Variants in DPP10 observed in about 807,000 individuals in gnomAD.
DPP10 encodes the protein inactive dipeptidyl peptidase 10.
In DPP10, 33 loss-of-function variants were observed where a neutral mutation model predicts 120.9. That is an observed-to-expected ratio of 0.27 (90% CI 0.21 to 0.37). The LOEUF (loss-of-function observed/expected upper bound fraction) is 0.37. Ranked by LOEUF, DPP10 falls within the 10% of genes least tolerant of loss-of-function variation. DPP10 has a pLI of 1.00. For missense variants in DPP10, 816 were observed against 942.8 expected, an observed-to-expected ratio of 0.87 and a Z score of 1.76; for synonymous variants, 337 against 326.1, an observed-to-expected ratio of 1.03 and a Z score of -0.36.
chr2:115,547,653 C>A lies in DPP10; in HGVS notation c.441+21681C>A, dbSNP rs550204965. On this transcript the variant is annotated intron_variant, in intron 5 of 25. Transcript: ENST00000410059. ...TTGTGGTATGTTCCTGTAGTCCCAG[C>A]TACTGGGGTGGCTGAAGTGGGTGGA... Among the ~76,000 whole-genome samples the A allele has an allele frequency of 4.0e-5, 6 of 151,826 alleles. No individual in the cohort carries two copies. The East Asian group carries it at 1.2e-3, about 30-fold the overall frequency.
chr2:115,530,487 C>T (rs1575106519), intron 5 of DPP10, among the ~76,000 whole-genome samples: 1 of 151,976 alleles, frequency 6.6e-6, no homozygotes. Flanking sequence ...TGAGACCAGC[C>T]TGGCCAACAT....
intron 3 of DPP10, among the ~76,000 whole-genome samples, chr2:115,416,636 A>G (rs569284009): frequency 6.6e-6 from 1 of 152,330 alleles, no homozygotes; most frequent in African/African-American, 2.4e-5. Flanking sequence ...TTCCTTAGAT[A>G]TTCAGATACT....
intron 1 of DPP10, among the ~76,000 whole-genome samples, chr2:115,243,697 A>T (rs537058060): frequency 6.6e-6 from 1 of 152,080 alleles, no homozygotes; most frequent in Admixed American, 6.6e-5. Flanking sequence ...GACTCATACA[A>T]ATCTGTATCA....
chr2:115,039,285 A>T (rs973298792), intron 1 of DPP10, among the ~76,000 whole-genome samples: 2 of 152,252 alleles, frequency 1.3e-5, no homozygotes, highest in Admixed American at 1.3e-4. Flanking sequence ...CATTTCTCTT[A>T]TAGGTGATAC....
intron 7 of DPP10, among the ~76,000 whole-genome samples, chr2:115,706,847 C>T (rs1435120704): frequency 6.6e-6 from 1 of 151,992 alleles, no homozygotes. Context: ...ATGCAGATAA[C>T]TCCCCAAAGG....
At chr2:115,568,187 G>GAA (rs1328782346) in intron 5 of DPP10, among the ~76,000 whole-genome samples, 2 of 70,622 alleles carry the variant, frequency 2.8e-5, no homozygotes, top group South Asian at 4.9e-4. Context: ...TCAAAAAAAA[G>GAA]AAAAAAAAAA....
At chr2:115,424,139 C>A (rs1239983083) in intron 3 of DPP10, among the ~76,000 whole-genome samples, 1 of 152,046 alleles carries the variant, frequency 6.6e-6, no homozygotes, top group Non-Finnish European at 1.5e-5. Context: ...AAGAAATACC[C>A]CTTACAAAGA....
intron 21 of DPP10, among the ~76,000 whole-genome samples, chr2:115,818,316 T>C (rs1687472995): frequency 6.6e-6 from 1 of 152,204 alleles, no homozygotes; most frequent in Non-Finnish European, 1.5e-5. Flanking sequence ...ATTTTATATG[T>C]TTTACCACAT....
intron 3 of DPP10, among the ~76,000 whole-genome samples, chr2:115,353,923 A>G (rs2064196484): frequency 6.6e-6 from 1 of 152,118 alleles, no homozygotes; most frequent in Non-Finnish European, 1.5e-5. Flanking sequence ...AATTTTTAAA[A>G]CACATAGATT....
intron 1 of DPP10, among the ~76,000 whole-genome samples, chr2:114,613,866 G>T (rs902942146): frequency 5.3e-5 from 8 of 152,194 alleles, no homozygotes; most frequent in Non-Finnish European, 1.0e-4. Flanking sequence ...ACTAATACAG[G>T]AACAGAAAAC....
chr2:115,190,479 G>T (rs2054798147), intron 1 of DPP10, among the ~76,000 whole-genome samples: 1 of 152,166 alleles, frequency 6.6e-6, no homozygotes, highest in Non-Finnish European at 1.5e-5. Context: ...TCTGCTAGGG[G>T]ATGAACAAGG....
intron 5 of DPP10, among the ~76,000 whole-genome samples, chr2:115,592,314 C>T (rs186233782): frequency 6.6e-6 from 1 of 152,068 alleles, no homozygotes; most frequent in Non-Finnish European, 1.5e-5. Context: ...GCTTGACTGG[C>T]AAGGGTGGTC....
intron 1 of DPP10, among the ~76,000 whole-genome samples, chr2:114,496,521 T>A (rs1226983538): frequency 1.3e-5 from 2 of 152,110 alleles, no homozygotes; most frequent in Admixed American, 6.6e-5. Context: ...TGTGTCCTCA[T>A]AAGGTAGAAG....
intron 3 of DPP10, among the ~76,000 whole-genome samples, chr2:115,380,777 G>A (rs923614143): frequency 6.6e-6 from 1 of 152,088 alleles, no homozygotes; most frequent in Non-Finnish European, 1.5e-5. Flanking sequence ...GCATTTGCTT[G>A]TCCGCAAAGT....
chr2:115,833,815 A>G (rs1295128992), intron 21 of DPP10, among the ~76,000 whole-genome samples: 3 of 152,188 alleles, frequency 2.0e-5, no homozygotes, highest in East Asian at 3.8e-4. Context: ...AAATATCCCT[A>G]AATTTTAAAA....
At chr2:115,614,250 A>C (rs1245416483) in intron 5 of DPP10, among the ~76,000 whole-genome samples, 6 of 152,196 alleles carry the variant, frequency 3.9e-5, no homozygotes, top group African/African-American at 1.2e-4. Context: ...ATAATATCGT[A>C]GGTGGGATAA....
intron 5 of DPP10, among the ~76,000 whole-genome samples, chr2:115,614,218 A>T (rs998285924): frequency 6.6e-6 from 1 of 152,226 alleles, no homozygotes; most frequent in Non-Finnish European, 1.5e-5. Context: ...CTCTCAGCTT[A>T]TGAGTCACAA....
At chr2:114,989,878 G>T (rs762789688) in intron 1 of DPP10, among the ~76,000 whole-genome samples, 2 of 152,158 alleles carry the variant, frequency 1.3e-5, no homozygotes, top group Admixed American at 6.6e-5. Context: ...AAACATTGGA[G>T]CTTGGTTTCC....
chr2:115,242,914 T>G (rs2058355900), intron 1 of DPP10, among the ~76,000 whole-genome samples: 1 of 152,150 alleles, frequency 6.6e-6, no homozygotes, highest in South Asian at 2.1e-4. Context: ...TTGAAAGTAT[T>G]TAATGGAAAA....
Sources: gnomAD v4.1 joint callset for allele counts (sites outside exome capture counted in the v4.1 genomes callset) on GRCh38, gnomAD v4.1.1 for gene constraint, MANE v1.5 for transcripts, NCBI Gene and HGNC (gene_info 2026-07-23, HGNC 2026-07-21) for gene names.